DBH: variants seen among roughly 807,000 people sequenced by gnomAD.
DBH encodes dopamine beta-hydroxylase.
A neutral mutation model predicts 64.0 loss-of-function variants in DBH; 49 were observed. That is an observed-to-expected ratio of 0.77 (90% CI 0.61 to 0.97). The LOEUF (loss-of-function observed/expected upper bound fraction) is 0.97. Among genes scored for constraint, DBH ranks in the 50% least tolerant of loss-of-function variants. The pLI is 0.00. For missense variants in DBH, 828 were observed against 826.6 expected (o/e 1.00, Z -0.02); for synonymous variants, 343 against 347.1 (o/e 0.99, Z 0.13).
intron 1 of DBH, among the ~76,000 whole-genome samples, chr9:133,637,780 G>A (rs1335163498): frequency 1.3e-5 from 2 of 152,202 alleles, no homozygotes; most frequent in East Asian, 3.8e-4. Flanking sequence ...CGGCCAGGAG[G>A]CACTTGCCTG....
At chr9:133,648,121 CT>C in intron 6 of DBH, 109 bp downstream of exon 6, 1 of 1,307,986 alleles carries the variant, frequency 7.6e-7, no homozygotes, top group Non-Finnish European at 1.1e-6. Context: ...TTGGTTTCCC[CT>C]GACCCTGAAT....
chr9:133,655,070 C>A (rs1832298571), intron 9 of DBH: 1 of 152,378 alleles, frequency 6.6e-6, no homozygotes, highest in African/African-American at 2.4e-5. Flanking sequence ...CTGGTGAGCA[C>A]CGCGGACATC....
chr9:133,648,669 A>C (rs1234520930), intron 6 of DBH, among the ~76,000 whole-genome samples: 1 of 152,210 alleles, frequency 6.6e-6, no homozygotes, highest in Non-Finnish European at 1.5e-5. Flanking sequence ...CCTCAGGGCT[A>C]TGCACGCTGG....
At chr9:133,652,202 T>G (rs745841606) in intron 7 of DBH, 44 bp from the exon 8 acceptor site, 123 of 1,612,402 alleles carry the variant, frequency 7.6e-5, no homozygotes, top group Non-Finnish European at 8.7e-5. Context: ...TCTGCAGCTC[T>G]CTGAGGTCTC....
chr9:133,651,594 G>T, intron 6 of DBH, 40 bp from the exon 7 acceptor site: 1 of 1,611,488 alleles, frequency 6.2e-7, no homozygotes, highest in South Asian at 1.1e-5. Context: ...GGGTCCCCTC[G>T]GGGGTCAGGC....
At chr9:133,646,626 C>T (rs567639990) in intron 5 of DBH, among the ~76,000 whole-genome samples, 8 of 152,292 alleles carry the variant, frequency 5.3e-5, no homozygotes, top group East Asian at 3.9e-4. Flanking sequence ...CAGGTTCAAG[C>T]GATTCTCCTG....
chr9:133,637,217 T>G (rs1296547543), intron 1 of DBH, among the ~76,000 whole-genome samples: 1 of 152,200 alleles, frequency 6.6e-6, no homozygotes, highest in African/African-American at 2.4e-5. Flanking sequence ...ACTGAGCAGG[T>G]GCAGACACCC....
At position 133,642,211 on chromosome 9, in the gene DBH, G is replaced by A; in HGVS notation, c.491G>A (p.Gly164Asp). 12 of 1,613,026 alleles carry A rather than the reference G, an allele frequency of 7.4e-6. No individual in the cohort carries two copies. The highest frequency in any genetic ancestry group is 1.0e-5 in the Non-Finnish European group (12 of 1,179,984). ...TGAACCCTGTCTCGGCTGCAGGACG[G>A]CACTGTCCACTTGGTCTACGGGATC... Reference protein sequence around the residue: ...CDPKDYLIEDGTVHLVYGILE... With the variant: ...CDPKDYLIEDDTVHLVYGILE... The change falls in exon 3 of 12, where the codon GGC becomes GAC. Residue 164 changes from glycine (G) to aspartate (D), a missense_variant. Coordinates refer to ENST00000393056, the MANE Select transcript of DBH (RefSeq NM_000787.4).
chr9:133,636,473 G>A lies in DBH; in HGVS notation c.102G>A (p.Val34=). 1.2e-6 allele frequency: 2 copies of A among 1,613,024 alleles called. No homozygotes were observed. The highest frequency in any genetic ancestry group is 2.2e-5 in the East Asian group (1 of 44,848). The change falls in exon 1 of 12, where the codon GTG becomes GTA. Residue 34 remains valine, a synonymous_variant. Transcript: ENST00000393056. Reference sequence around the variant, plus strand: ...TGGCCATCTTCCTGGTCATCCTGGTGGCCGCACTGCAGGGCTCGGCTCCCC... The same window carrying A: ...TGGCCATCTTCCTGGTCATCCTGGTAGCCGCACTGCAGGGCTCGGCTCCCC... ...TAVAIFLVIL[V]AALQGSAPRE...
Position 133,647,879 on chromosome 9 carries a change from A to G in DBH, c.1058A>G (p.Tyr353Cys), listed in dbSNP as rs776150241. 5 of 1,614,196 alleles carry G rather than the reference A, an allele frequency of 3.1e-6. No individual in the cohort carries two copies. Among genetic ancestry groups the G allele is most frequent in the African/African-American group, 1.3e-5 (1 of 75,058 alleles). Residue 353 changes from tyrosine (Y) to cysteine (C), a missense_variant, in exon 6 of 12, where the codon TAC becomes TGC. Transcript: ENST00000393056. ...GACTCCTCAGGCATCCGCTTGTACT[A>G]CACAGCCAAGCTGCGGCGCTTCAAC... Reference protein sequence around the residue: ...RNDSSGIRLYYTAKLRRFNAG... With the variant: ...RNDSSGIRLYCTAKLRRFNAG...
intron 6 of DBH, among the ~76,000 whole-genome samples, chr9:133,650,932 T>G (rs1043848852): frequency 6.6e-6 from 1 of 152,234 alleles, no homozygotes; most frequent in Non-Finnish European, 1.5e-5. Context: ...CATGCCCCAG[T>G]GATGGCATAA....
At chr9:133,652,868 A>C in intron 8 of DBH, 72 bp from the exon 9 acceptor site, 1 of 1,077,780 alleles carries the variant, frequency 9.3e-7, no homozygotes, top group Non-Finnish European at 1.4e-6. Context: ...GCGTGGTCCT[A>C]TGGGGGCGAG....
chr9:133,642,218 C>A lies in DBH; in HGVS notation c.498C>A (p.Val166=), dbSNP rs1233316289. 6.2e-7 allele frequency: 1 copy of A among 1,613,414 alleles called. No homozygotes were observed. Among genetic ancestry groups the A allele is most frequent in the African/African-American group, 1.3e-5 (1 of 75,034 alleles). ...TGTCTCGGCTGCAGGACGGCACTGT[C>A]CACTTGGTCTACGGGATCCTGGAGG... ...PKDYLIEDGT[V]HLVYGILEEP... Residue 166 remains valine, a synonymous_variant, in exon 3 of 12, where the codon GTC becomes GTA. Transcript: ENST00000393056.
At chr9:133,651,583 AG>A in intron 6 of DBH, 50 bp from the exon 7 acceptor site, 2 of 1,610,422 alleles carry the variant, frequency 1.2e-6, no homozygotes, top group Non-Finnish European at 1.7e-6. Flanking sequence ...CATGGACGGG[AG>A]GGTCCCCTCG....
intron 9 of DBH, among the ~76,000 whole-genome samples, chr9:133,653,742 G>A (rs1453598810): frequency 1.3e-5 from 2 of 152,180 alleles, no homozygotes; most frequent in Non-Finnish European, 2.9e-5. Context: ...TATTTTCAAG[G>A]CTGGGTATGC....
chr9:133,656,220 TCA>T (rs1234027898), intron 9 of DBH: 10 of 374,676 alleles, frequency 2.7e-5, no homozygotes, highest in Non-Finnish European at 5.2e-5. Flanking sequence ...GCTCTGAGAC[TCA>T]GTTTCTGTAC....
At chr9:133,640,807 C>T (rs1564208493) in intron 2 of DBH, among the ~76,000 whole-genome samples, 1 of 152,222 alleles carries the variant, frequency 6.6e-6, no homozygotes, top group Non-Finnish European at 1.5e-5. Flanking sequence ...CCTGCAGAGC[C>T]CTGGGTTTGG....
chr9:133,638,085 C>T (rs977646241), intron 1 of DBH, among the ~76,000 whole-genome samples: 4 of 152,262 alleles, frequency 2.6e-5, no homozygotes, highest in Admixed American at 2.0e-4. Flanking sequence ...CTGCATTTCC[C>T]GGCTGCTAGG....
rs777474019 is a variant in DBH, at chr9:133,643,502, C to T, written c.834C>T (p.His278=). 6.8e-6 allele frequency: 11 copies of T among 1,613,766 alleles called. No individual in the cohort carries two copies. The highest frequency in any genetic ancestry group is 2.7e-5 in the African/African-American group (2 of 74,910). Residue 278 remains histidine, a synonymous_variant, in exon 4 of 12, where the codon CAC becomes CAT. Transcript: ENST00000393056. This position sits in a 1 kb window ranked among gnomAD's most constrained non-coding sequence, Gnocchi z 5.3. ...CCCCCGAGATGGACAGCGTCCCCCA[C>T]TTCAGCGGGCCCTGCGACTCCAAGA... is the stretch of plus-strand genomic sequence containing the variant. ...QCAPEMDSVP[H]FSGPCDSKMK...
Sources: allele counts gnomAD v4.1 joint callset (sites outside exome capture counted in the v4.1 genomes callset), GRCh38; gene constraint gnomAD v4.1.1; non-coding constraint Gnocchi (gnomAD v3.1); transcripts MANE v1.5; gene names NCBI Gene and HGNC (gene_info 2026-07-23, HGNC 2026-07-21).